KLHL29: variants seen among roughly 807,000 people sequenced by gnomAD.
KLHL29 encodes kelch-like protein 29.
KLHL29 carries 21 observed loss-of-function variants against 80.4 expected under a neutral mutation model. The ratio of observed to expected loss-of-function variants is 0.26; its 90% CI spans 0.19 to 0.38. KLHL29 has a LOEUF of 0.38. Among genes scored for constraint, KLHL29 ranks in the 10% least tolerant of loss-of-function variants. The pLI, the probability that KLHL29 is intolerant of heterozygous loss-of-function variation, is 1.00. For missense variants in KLHL29, 867 were observed against 1,223.9 expected (o/e 0.71, Z 4.35); for synonymous variants, 511 against 526.8 (o/e 0.97, Z 0.41).
chr2:23,532,702 T>C, intron 2 of KLHL29: 2 of 454,558 alleles, frequency 4.4e-6, no homozygotes, highest in South Asian at 3.1e-5. Context: ...AGCATGGGGG[T>C]GGGTGTCAGG....
Position 23,407,373 on chromosome 2 carries a change from G to A in KLHL29, c.-154+21593G>A, listed in dbSNP as rs528994262. Among the ~76,000 whole-genome samples, 5 of 151,616 alleles carry A rather than the reference G, an allele frequency of 3.3e-5. No individual in the cohort carries two copies. The South Asian group carries it at 8.4e-4, about 26-fold the overall frequency. On this transcript the variant is annotated intron_variant, in intron 1 of 13. Coordinates refer to ENST00000486442, the MANE Select transcript of KLHL29 (RefSeq NM_052920.2). The stretch of plus-strand genomic sequence containing the variant: ...GTGAGTAATGGTATCTCGTGGTCTC[G>A]GTTGCGTTTCCTTGATTACCAGTGG...
chr2:23,398,460 G>C (rs930616508), intron 1 of KLHL29, among the ~76,000 whole-genome samples: 1 of 152,236 alleles, frequency 6.6e-6, no homozygotes, highest in Non-Finnish European at 1.5e-5. Flanking sequence ...CAGGGGATGT[G>C]GGGAGAGAGT....
intron 3 of KLHL29, among the ~76,000 whole-genome samples, chr2:23,579,260 C>T (rs1159809286): frequency 1.3e-5 from 2 of 152,204 alleles, no homozygotes; most frequent in African/African-American, 2.4e-5. Context: ...TTGCTCAATG[C>T]GCTAGCTCAT....
rs539489956 is a variant in KLHL29, at chr2:23,547,937, C to T, written c.-45-14215C>T. Among the ~76,000 whole-genome samples, 9 of 152,262 alleles carry T rather than the reference C, an allele frequency of 5.9e-5. No individual in the cohort carries two copies. In the South Asian group the frequency reaches 1.5e-3, roughly 25 times the overall value. ...GCACAGAGTAAGGCCACCAGCAATA[C>T]AGAGGTGGCGCTATGCCACTGGGAA... On this transcript the variant is annotated intron_variant, in intron 2 of 13. Transcript: ENST00000486442.
chr2:23,519,300 C>T (rs954366781), intron 2 of KLHL29, among the ~76,000 whole-genome samples: 1 of 152,272 alleles, frequency 6.6e-6, no homozygotes. Flanking sequence ...CTTGGCAATA[C>T]CCCAGGGTCC....
chr2:23,403,431 T>C (rs548295307), intron 1 of KLHL29, among the ~76,000 whole-genome samples: 1 of 152,290 alleles, frequency 6.6e-6, no homozygotes, highest in African/African-American at 2.4e-5. Context: ...AAAGGAATAA[T>C]TCTCAGGATT....
At chr2:23,660,509 G>C (rs985918260) in intron 5 of KLHL29, among the ~76,000 whole-genome samples, 1 of 152,240 alleles carries the variant, frequency 6.6e-6, no homozygotes, top group African/African-American at 2.4e-5. Flanking sequence ...CGCCAGAGAG[G>C]CCTGAGGAGG....
intron 5 of KLHL29, among the ~76,000 whole-genome samples, chr2:23,662,157 A>T (rs754788988): frequency 2.0e-4 from 31 of 152,118 alleles, no homozygotes; most frequent in Admixed American, 1.7e-3. Flanking sequence ...CTGGGCTCCT[A>T]GGGGGTCTTT....
chr2:23,484,958 AG>A (rs1256677169), intron 2 of KLHL29, among the ~76,000 whole-genome samples: 1 of 152,136 alleles, frequency 6.6e-6, no homozygotes, highest in East Asian at 1.9e-4. Flanking sequence ...AAAGAGCTCC[AG>A]GGCCGCCCCC....
chr2:23,588,451 C>T (rs1668171943), intron 3 of KLHL29, among the ~76,000 whole-genome samples: 1 of 152,228 alleles, frequency 6.6e-6, no homozygotes, highest in Non-Finnish European at 1.5e-5. Flanking sequence ...ACACATGCTT[C>T]AGCCACAGGC....
At chr2:23,420,978 A>G (rs999670528) in intron 1 of KLHL29, among the ~76,000 whole-genome samples, 1 of 151,982 alleles carries the variant, frequency 6.6e-6, no homozygotes, top group Non-Finnish European at 1.5e-5. Flanking sequence ...AGACCTGGCC[A>G]GGCGCCAGGC....
intron 2 of KLHL29, among the ~76,000 whole-genome samples, chr2:23,478,900 G>A (rs1477538563): frequency 1.3e-5 from 2 of 151,966 alleles, no homozygotes; most frequent in Non-Finnish European, 2.9e-5. Context: ...CATGTCCTGG[G>A]CTTCCACACC....
chr2:23,387,651 C>T (rs1221790325), intron 1 of KLHL29, among the ~76,000 whole-genome samples: 1 of 152,058 alleles, frequency 6.6e-6, no homozygotes, highest in Admixed American at 6.5e-5. Context: ...CCAGTAAGCA[C>T]TAGTGAATAC....
At chr2:23,593,460 A>G (rs538989705) in intron 3 of KLHL29, among the ~76,000 whole-genome samples, 8 of 152,240 alleles carry the variant, frequency 5.3e-5, no homozygotes, top group East Asian at 1.9e-4. Context: ...CTCCAGGCCT[A>G]TGTGTCTAAC....
At chr2:23,674,981 C>T (rs2149179320) in intron 5 of KLHL29, among the ~76,000 whole-genome samples, 1 of 152,266 alleles carries the variant, frequency 6.6e-6, no homozygotes, top group African/African-American at 2.4e-5. Flanking sequence ...TGCCTTGACT[C>T]CCCTGGATGT....
rs147512508 is a variant in KLHL29, at chr2:23,478,263, T to C, written c.-46+2596T>C. On this transcript the variant is annotated intron_variant, in intron 2 of 13. Coordinates refer to ENST00000486442, the MANE Select transcript of KLHL29 (RefSeq NM_052920.2). ...GCAGCTGGGACTGTGCCTGGGAGTG[T>C]CCGCAACATGCAGCCTGGTGCTGGC... Among the ~76,000 whole-genome samples the C allele has an allele frequency of 8.1e-3, 1,239 of 152,236 alleles. 17 individuals are homozygous for C. The highest frequency in any genetic ancestry group is 0.028 in the African/African-American group (1,179 of 41,554).
intron 6 of KLHL29, among the ~76,000 whole-genome samples, chr2:23,688,493 A>G (rs1671380637): frequency 6.6e-6 from 1 of 152,136 alleles, no homozygotes; most frequent in East Asian, 1.9e-4. Context: ...CTAATCCTGG[A>G]TGAGTCTGTG....
intron 5 of KLHL29, among the ~76,000 whole-genome samples, chr2:23,674,512 C>T (rs1158598952): frequency 6.6e-6 from 1 of 152,158 alleles, no homozygotes; most frequent in Non-Finnish European, 1.5e-5. Context: ...TTGCCTCTGG[C>T]CCCAACTATC....
At chr2:23,550,783 G>T (rs1221885543) in intron 2 of KLHL29, among the ~76,000 whole-genome samples, 1 of 152,210 alleles carries the variant, frequency 6.6e-6, no homozygotes, top group East Asian at 1.9e-4. Context: ...CTGGCTCCAG[G>T]CACCGAGTAG....
Sources: gnomAD v4.1 joint callset for allele counts (sites outside exome capture counted in the v4.1 genomes callset) on GRCh38, gnomAD v4.1.1 for gene constraint, MANE v1.5 for transcripts, NCBI Gene and HGNC (gene_info 2026-07-23, HGNC 2026-07-21) for gene names.